Variants in ANK3 observed in about 807,000 individuals in gnomAD.
ANK3 encodes ankyrin 3.
ANK3 carries 57 observed loss-of-function variants against 370.9 expected under a neutral mutation model. That is an observed-to-expected ratio of 0.15 (90% confidence interval 0.12 to 0.19). ANK3 has a LOEUF of 0.19. Among genes scored for constraint, ANK3 ranks in the 10% least tolerant of loss-of-function variants. The probability of loss-of-function intolerance (pLI) is 1.00; values close to 1 mark genes in which losing one functional copy is unlikely to be tolerated. For synonymous variants in ANK3, 1,929 were observed against 1,946.3 expected (o/e 0.99, Z 0.23); for missense variants, 4,439 against 5,302.1 (o/e 0.84, Z 5.06).
At chr10:60,433,644 G>T (rs1357915328) in intron 2 of ANK3, among the ~76,000 whole-genome samples, 1 of 152,130 alleles carries the variant, frequency 6.6e-6, no homozygotes, top group African/African-American at 2.4e-5. Context: ...TGTTTAAGTT[G>T]CCTAGGGATG....
intron 1 of ANK3, among the ~76,000 whole-genome samples, chr10:60,625,790 C>T (rs1246000686): frequency 6.6e-6 from 1 of 152,078 alleles, no homozygotes; most frequent in East Asian, 1.9e-4. Flanking sequence ...GTTTATTTTG[C>T]TGTTCTAAAA....
Position 60,069,261 on chromosome 10 carries a change from C to G in ANK3, c.11620G>C (p.Asp3874His), listed in dbSNP as rs1214671904. ...GACATATGGTTCGGTGGGAAGGTAT[C>G]TTTTGGTGAAGTGGCCTTTATGGGA... Reference protein sequence around the residue: ...KLPIKATSPKDTFPPNHMSNT... With the variant: ...KLPIKATSPKHTFPPNHMSNT... The change falls in exon 37 of 44, where the codon GAT becomes CAT. Residue 3874 changes from aspartate (D) to histidine (H), a missense_variant. Physicochemically the swap from Asp to His is moderately conservative, Grantham distance 81. Coordinates refer to ENST00000280772, the MANE Select transcript of ANK3 (RefSeq NM_020987.5). The G allele has an allele frequency of 6.2e-7, 1 of 1,614,018 alleles. No homozygotes were observed. The highest frequency in any genetic ancestry group is 1.3e-5 in the African/African-American group (1 of 74,908).
intron 1 of ANK3, among the ~76,000 whole-genome samples, chr10:60,640,787 A>G (rs1296780782): frequency 4.8e-5 from 5 of 103,224 alleles, no homozygotes; most frequent in Non-Finnish European, 1.1e-4. Flanking sequence ...AGTTCTGGCC[A>G]GGGCAATTAG....
chr10:60,351,024 A>G (rs924752109), intron 1 of ANK3, among the ~76,000 whole-genome samples: 22 of 99,208 alleles, frequency 2.2e-4, no homozygotes, highest in African/African-American at 6.2e-4. Flanking sequence ...CAGGGGGCAT[A>G]TATTTCCTCA....
intron 1 of ANK3, among the ~76,000 whole-genome samples, chr10:60,342,325 G>T: frequency 1.3e-5 from 2 of 152,034 alleles, no homozygotes; most frequent in East Asian, 3.9e-4. Context: ...CGCACTTCAG[G>T]GGTTTTCTTA....
chr10:60,381,083 G>A (rs1019558320), intron 1 of ANK3, among the ~76,000 whole-genome samples: 3 of 152,036 alleles, frequency 2.0e-5, no homozygotes, highest in African/African-American at 7.2e-5. Flanking sequence ...CCTCTATCAT[G>A]GACACTGCCT....
rs74153513 is a variant in ANK3 at position 60,102,115 on chromosome 10, G to A, written c.3328+3790C>T. Among the ~76,000 whole-genome samples, 1,237 of 150,378 alleles carry A rather than the reference G, an allele frequency of 8.2e-3. 15 individuals carry two copies. The highest frequency in any genetic ancestry group is 0.029 in the African/African-American group (1,180 of 40,752). ...ACTAGCTGATGTAGTGTCTTTGTACGATTTGGAAAAGGGTGCCCACTTGGG... is the reference window on the plus strand; with the variant it reads ...ACTAGCTGATGTAGTGTCTTTGTACAATTTGGAAAAGGGTGCCCACTTGGG... On this transcript the variant is annotated intron_variant, in intron 28 of 43. Coordinates refer to ENST00000280772, the MANE Select transcript of ANK3 (RefSeq NM_020987.5).
rs374477862 is a variant in ANK3, at chr10:60,469,773, T to C, written c.96+145413A>G. Among the ~76,000 whole-genome samples, 63 of 149,480 alleles carry C rather than the reference T, an allele frequency of 4.2e-4. 2 individuals are homozygous for C. In the East Asian group the frequency reaches 5.1e-3, roughly 12 times the overall value. On this transcript the variant is annotated intron_variant, in intron 2 of 43. Coordinates refer to the ANK3 transcript ENST00000373827. ...ATATTTCTCTTCCAATTGTAAACTTTTACTAACATTAAAGACTGGCTATCA... is the reference window on the plus strand; with the variant it reads ...ATATTTCTCTTCCAATTGTAAACTTCTACTAACATTAAAGACTGGCTATCA...
intron 1 of ANK3, among the ~76,000 whole-genome samples, chr10:60,712,037 G>C (rs182092090): frequency 1.3e-5 from 2 of 152,298 alleles, no homozygotes; most frequent in Admixed American, 6.5e-5. Context: ...GAGGGAATAT[G>C]TCACCAGAAG....
intron 2 of ANK3, among the ~76,000 whole-genome samples, chr10:60,456,233 T>C (rs1315024188): frequency 1.3e-5 from 2 of 152,156 alleles, no homozygotes; most frequent in East Asian, 3.9e-4. Flanking sequence ...AAAAATCCAG[T>C]CAGGAGTCAA....
intron 1 of ANK3, among the ~76,000 whole-genome samples, chr10:60,630,075 T>A (rs1182396686): frequency 6.6e-6 from 1 of 152,180 alleles, no homozygotes; most frequent in South Asian, 2.1e-4. Flanking sequence ...TTAAAGGACA[T>A]TAAAGACTCC....
intron 2 of ANK3, among the ~76,000 whole-genome samples, chr10:60,540,230 G>C (rs1595237069): frequency 6.6e-6 from 1 of 151,812 alleles, no homozygotes. Flanking sequence ...GTTTCCACTT[G>C]ATGGGTCGAG....
In ANK3 at chr10:60,504,375, T is replaced by C. The variant is rs570733977; in HGVS notation, c.96+110811A>G. On this transcript the variant is annotated intron_variant, in intron 2 of 43. Coordinates refer to the ANK3 transcript ENST00000373827. Reference sequence around the variant, plus strand: ...TTATGCATAGCCAAATTTAGAGAAATTAAAGGGTTCACTTTGTCTCTGGTA... The same window carrying C: ...TTATGCATAGCCAAATTTAGAGAAACTAAAGGGTTCACTTTGTCTCTGGTA... 1.2e-4 allele frequency among the ~76,000 whole-genome samples: 18 copies of C among 152,244 alleles called. No individual in the cohort carries two copies. The East Asian group carries it at 3.5e-3, about 29-fold the overall frequency.
At chr10:60,732,281 C>A (rs1392820455) in intron 1 of ANK3, among the ~76,000 whole-genome samples, 1 of 152,226 alleles carries the variant, frequency 6.6e-6, no homozygotes, top group African/African-American at 2.4e-5. Context: ...CCCGGGACGA[C>A]TACTGTTTCT....
chr10:60,143,661 G>C lies in ANK3; in HGVS notation c.2615-4574C>G, dbSNP rs141321426. On this transcript the variant is annotated intron_variant, in intron 23 of 43. Coordinates refer to ENST00000280772, the MANE Select transcript of ANK3 (RefSeq NM_020987.5). Reference sequence around the variant, plus strand: ...TTGGTAGCTCATCTTTAAAATGCCCGCCTCACCCTTACCTCCAATGAACTA... The same window carrying C: ...TTGGTAGCTCATCTTTAAAATGCCCCCCTCACCCTTACCTCCAATGAACTA... Among the ~76,000 whole-genome samples the C allele has an allele frequency of 5.0e-3, 761 of 152,226 alleles. 4 individuals carry two copies. The highest frequency in any genetic ancestry group is 7.9e-3 in the Non-Finnish European group (534 of 68,000).
chr10:60,190,332 C>A (rs2096453460), intron 16 of ANK3, among the ~76,000 whole-genome samples: 1 of 152,210 alleles, frequency 6.6e-6, no homozygotes. Context: ...TCTCTCACCA[C>A]TGCCGGAATT....
At chr10:60,560,865 C>G (rs117685611) in intron 2 of ANK3, among the ~76,000 whole-genome samples, 3,592 of 151,738 alleles carry the variant, frequency 0.024, 74 homozygotes, top group Middle Eastern at 0.058. Flanking sequence ...TACATAAAAT[C>G]TTTTTCATTA....
chr10:60,682,892 T>G (rs2079215306), intron 1 of ANK3, among the ~76,000 whole-genome samples: 1 of 152,150 alleles, frequency 6.6e-6, no homozygotes, highest in Non-Finnish European at 1.5e-5. Context: ...CTCTAGCAAA[T>G]TAATTGAACC....
intron 7 of ANK3, among the ~76,000 whole-genome samples, chr10:60,239,076 CT>C (rs1249017505): frequency 6.6e-6 from 1 of 151,974 alleles, no homozygotes; most frequent in Non-Finnish European, 1.5e-5. Context: ...AGATATGTCA[CT>C]TTAAGTTATT....
Sources: gnomAD v4.1 joint callset for allele counts (sites outside exome capture counted in the v4.1 genomes callset) on GRCh38, gnomAD v4.1.1 for gene constraint, MANE v1.5 for transcripts, NCBI Gene and HGNC (gene_info 2026-07-23, HGNC 2026-07-21) for gene names.